Variants in HDAC4 observed in about 807,000 individuals in gnomAD.
HDAC4 encodes histone deacetylase A.
In HDAC4, 16 loss-of-function variants were observed where a neutral mutation model predicts 135.1. That is an observed-to-expected ratio of 0.12 (90% confidence interval 0.08 to 0.18). The LOEUF (loss-of-function observed/expected upper bound fraction) is 0.18, where lower values mean the gene tolerates loss of function less well. Ranked by LOEUF, HDAC4 falls within the 10% of genes least tolerant of loss-of-function variation. HDAC4 has a pLI of 1.00. For missense variants in HDAC4, 1,143 were observed against 1,511.8 expected (o/e 0.76, Z 4.05); for synonymous variants, 685 against 653.4 (o/e 1.05, Z -0.74).
intron 1 of HDAC4, among the ~76,000 whole-genome samples, chr2:239,382,205 T>G (rs1217064502): frequency 1.3e-5 from 2 of 152,252 alleles, no homozygotes; most frequent in African/African-American, 2.4e-5. Flanking sequence ...ATTGTTAAAC[T>G]GTCGCTGCAG....
At chr2:239,263,236 A>G (rs988406057) in intron 2 of HDAC4, among the ~76,000 whole-genome samples, 4 of 151,938 alleles carry the variant, frequency 2.6e-5, no homozygotes, top group Non-Finnish European at 5.9e-5. Context: ...GCAACTGCAC[A>G]TCAGCCATCC....
At chr2:239,377,842 G>A (rs72620848) in intron 1 of HDAC4, among the ~76,000 whole-genome samples, 11,952 of 152,068 alleles carry the variant, frequency 0.079, 647 homozygotes, top group East Asian at 0.26. Flanking sequence ...ACTGATCACC[G>A]CGCTGAGCTC....
chr2:239,065,300 GC>G (rs2033331924), intron 24 of HDAC4, among the ~76,000 whole-genome samples: 1 of 152,236 alleles, frequency 6.6e-6, no homozygotes, highest in African/African-American at 2.4e-5. Context: ...CCTGGGACCA[GC>G]ACCTTGGTCT....
At chr2:239,292,589 C>T (rs1275072783) in intron 2 of HDAC4, among the ~76,000 whole-genome samples, 2 of 152,156 alleles carry the variant, frequency 1.3e-5, no homozygotes, top group Non-Finnish European at 2.9e-5. Flanking sequence ...CTCTTTACTT[C>T]CAGAAAAGCA....
intron 1 of HDAC4, among the ~76,000 whole-genome samples, chr2:239,380,101 G>T (rs1695310249): frequency 6.6e-6 from 1 of 152,228 alleles, no homozygotes; most frequent in South Asian, 2.1e-4. Context: ...GTGGGCCCAT[G>T]GGTGCCAGAG....
intron 2 of HDAC4, among the ~76,000 whole-genome samples, chr2:239,293,208 A>T (rs1312951557): frequency 1.3e-5 from 2 of 152,142 alleles, no homozygotes; most frequent in Non-Finnish European, 2.9e-5. Context: ...AATTCCCTGA[A>T]ATAATAAACT....
chr2:239,218,648 C>A (rs1374950913), intron 3 of HDAC4, among the ~76,000 whole-genome samples: 1 of 149,586 alleles, frequency 6.7e-6, no homozygotes, highest in Non-Finnish European at 1.5e-5. Flanking sequence ...AGCTTCTGCA[C>A]AGCAAAAGAA....
chr2:239,096,091 C>T (rs1007912357), intron 16 of HDAC4, among the ~76,000 whole-genome samples: 29 of 152,142 alleles, frequency 1.9e-4, no homozygotes, highest in Admixed American at 6.5e-5. Context: ...CTCTGGTCCA[C>T]GCTCCTAGGG....
chr2:239,320,099 C>T (rs533812914), intron 2 of HDAC4, among the ~76,000 whole-genome samples: 7 of 151,966 alleles, frequency 4.6e-5, no homozygotes, highest in South Asian at 2.1e-4. Flanking sequence ...AATGACTAAG[C>T]GGGCTGAGAA....
At chr2:239,223,545 C>T (rs1244158145) in intron 3 of HDAC4, among the ~76,000 whole-genome samples, 1 of 152,194 alleles carries the variant, frequency 6.6e-6, no homozygotes, top group Non-Finnish European at 1.5e-5. Flanking sequence ...AGCCTCAGTT[C>T]CTGAACCAGT....
intron 2 of HDAC4, among the ~76,000 whole-genome samples, chr2:239,254,417 T>TAA (rs768394516): frequency 1.6e-4 from 18 of 113,568 alleles, no homozygotes; most frequent in African/African-American, 4.7e-4. Context: ...CAAGCTGCGC[T>TAA]AAAAAAAAAA....
intron 4 of HDAC4, among the ~76,000 whole-genome samples, chr2:239,179,496 C>T (rs1295012830): frequency 3.3e-5 from 5 of 152,114 alleles, no homozygotes; most frequent in East Asian, 1.9e-4. Context: ...GAGAATCTAA[C>T]GCCTGATGAT....
chr2:239,074,251 C>A (rs2034510025), intron 22 of HDAC4, among the ~76,000 whole-genome samples: 1 of 152,224 alleles, frequency 6.6e-6, no homozygotes, highest in South Asian at 2.1e-4. Context: ...GATTTTAAAG[C>A]CAAGACCTTT....
chr2:239,075,218 C>T (rs371521924), intron 22 of HDAC4, among the ~76,000 whole-genome samples: 33 of 108,632 alleles, frequency 3.0e-4, no homozygotes, highest in South Asian at 6.4e-4. Context: ...AATGAGACTC[C>T]GTCTCAAAAA....
At chr2:239,101,223 A>G (rs1336679745) in intron 16 of HDAC4, among the ~76,000 whole-genome samples, 1 of 152,126 alleles carries the variant, frequency 6.6e-6, no homozygotes, top group Non-Finnish European at 1.5e-5. Context: ...ACCACAGGGC[A>G]GGGGGGACTC....
At chr2:239,157,316 C>T (rs1229944387) in intron 6 of HDAC4, among the ~76,000 whole-genome samples, 1 of 152,268 alleles carries the variant, frequency 6.6e-6, no homozygotes, top group Admixed American at 6.5e-5. Flanking sequence ...CCATCGTCAT[C>T]CGTGCCTTCA....
At chr2:239,125,303 G>A (rs144853694) in intron 12 of HDAC4, among the ~76,000 whole-genome samples, 98 of 152,258 alleles carry the variant, frequency 6.4e-4, no homozygotes, top group African/African-American at 2.2e-3. Flanking sequence ...AGAAGTGTGT[G>A]GCCCCTCTCC....
chr2:239,317,487 A>G (rs1384776026), intron 2 of HDAC4, among the ~76,000 whole-genome samples: 1 of 152,116 alleles, frequency 6.6e-6, no homozygotes, highest in Non-Finnish European at 1.5e-5. Flanking sequence ...TTGTGTATCC[A>G]AGAGAGTAAA....
chr2:239,196,965 C>A (rs2045428426), intron 3 of HDAC4, among the ~76,000 whole-genome samples: 1 of 152,184 alleles, frequency 6.6e-6, no homozygotes, highest in African/African-American at 2.4e-5. Flanking sequence ...TCACCCCGGG[C>A]AGGCGCTCCC....
Sources: gnomAD v4.1 joint callset for allele counts (sites outside exome capture counted in the v4.1 genomes callset) on GRCh38, gnomAD v4.1.1 for gene constraint, MANE v1.5 for transcripts, NCBI Gene and HGNC (gene_info 2026-07-23, HGNC 2026-07-21) for gene names.